The following HSDL2 variants were observed in gnomAD, a reference collection of about 807,000 sequenced individuals.
The protein encoded by HSDL2 is hydroxysteroid dehydrogenase-like protein 2.
HSDL2 carries 27 observed loss-of-function variants against 46.3 expected under a neutral mutation model. The ratio of observed to expected loss-of-function variants is 0.58; its 90% CI spans 0.43 to 0.80. The LOEUF is 0.80. Ranked by LOEUF, HSDL2 falls within the 30% of genes least tolerant of loss-of-function variation. HSDL2 has a pLI of 0.00. For synonymous variants in HSDL2, 153 were observed against 163.6 expected (o/e 0.94, Z 0.50); for missense variants, 451 against 502.7 (o/e 0.90, Z 0.98).
intron 1 of HSDL2, among the ~76,000 whole-genome samples, chr9:112,402,203 T>C (rs1446360633): frequency 6.6e-6 from 1 of 152,204 alleles, no homozygotes; most frequent in East Asian, 1.9e-4. Flanking sequence ...GTTATCTTTA[T>C]TTTATTCTTT....
In HSDL2 at chr9:112,380,112, C is replaced by T; in HGVS notation, c.-52C>T. The T allele has an allele frequency of 6.6e-7, 1 of 1,510,944 alleles. No individual in the cohort carries two copies. The highest frequency in any genetic ancestry group is 9.0e-7 in the Non-Finnish European group (1 of 1,110,378). 93.6% of individuals were successfully genotyped at this position (1,510,944 alleles called of 1,614,324 possible). On this transcript the variant is annotated 5_prime_UTR_variant, in exon 1 of 11. Coordinates refer to ENST00000398805, the MANE Select transcript of HSDL2 (RefSeq NM_032303.5). ...GCGGAGGGACGGTCCAGCTTTAGCTCTCTGCTCGCCGCCGCCGCTGTCGCC... is the reference window on the plus strand; with the variant it reads ...GCGGAGGGACGGTCCAGCTTTAGCTTTCTGCTCGCCGCCGCCGCTGTCGCC...
At chr9:112,463,664 G>A (rs6477936) in intron 10 of HSDL2, among the ~76,000 whole-genome samples, 146,272 of 152,164 alleles carry the variant, frequency 0.96, 70,352 homozygotes, top group African/African-American at 0.99. Flanking sequence ...ATGTTTATTT[G>A]TGTATTTATT....
rs1242383949 is a variant in HSDL2 at position 112,403,102 on chromosome 9, C to T, written c.18-893C>T. 2.6e-5 allele frequency among the ~76,000 whole-genome samples: 4 copies of T among 152,318 alleles called. No homozygotes were observed. The East Asian group carries it at 7.7e-4, about 29-fold the overall frequency. ...TTAACAGCTCTTTTGAGATGTGATT[C>T]ACGTACCCCACTATGCAGTCATTTA... is the stretch of plus-strand genomic sequence containing the variant. On this transcript the variant is annotated intron_variant, in intron 1 of 10. Transcript: ENST00000398805.
intron 8 of HSDL2, among the ~76,000 whole-genome samples, chr9:112,446,569 T>G (rs1832764991): frequency 6.6e-6 from 1 of 152,160 alleles, no homozygotes; most frequent in Non-Finnish European, 1.5e-5. Flanking sequence ...AGTTCAAGCT[T>G]GCAGCAAGCT....
chr9:112,453,147 C>A (rs1348886476), intron 8 of HSDL2, among the ~76,000 whole-genome samples: 1 of 152,068 alleles, frequency 6.6e-6, no homozygotes, highest in Non-Finnish European at 1.5e-5. Context: ...CAGGGTCAAT[C>A]CATGGGTGAA....
chr9:112,396,707 G>C (rs1193261819), intron 1 of HSDL2, among the ~76,000 whole-genome samples: 1 of 152,006 alleles, frequency 6.6e-6, no homozygotes, highest in African/African-American at 2.4e-5. Context: ...AGAACCTTGA[G>C]GTAAAGGCCC....
rs1347663088 is a variant in HSDL2 at position 112,470,541 on chromosome 9, G to A, written c.1254G>A (p.Leu418=). ...TAATGAATCAGATGAATGCCAGACT[G>A]TGAAGGAAAATATAAAAAAAAAGTC... The part of the protein sequence containing the change: ...EKLMNQMNAR[L] The change falls in exon 11 of 11, where the codon CTG becomes CTA. Residue 418 remains leucine, a synonymous_variant. Coordinates refer to ENST00000398805, the MANE Select transcript of HSDL2 (RefSeq NM_032303.5). 1 of 1,556,192 alleles carries A rather than the reference G, an allele frequency of 6.4e-7. No individual in the cohort carries two copies. The highest frequency in any genetic ancestry group is 1.2e-5 in the South Asian group (1 of 85,122).
intron 7 of HSDL2, among the ~76,000 whole-genome samples, chr9:112,439,877 T>C (rs186755478): frequency 2.0e-5 from 3 of 152,390 alleles, no homozygotes; most frequent in Admixed American, 2.0e-4. Flanking sequence ...TTTGTCTGTC[T>C]CAGCCTCAAT....
rs182338116 is a variant in HSDL2, at chr9:112,429,867, C to T, written c.599-8564C>T. Among the ~76,000 whole-genome samples the T allele has an allele frequency of 5.3e-5, 8 of 152,082 alleles. No individual in the cohort carries two copies. The East Asian group carries it at 5.8e-4, about 11-fold the overall frequency. On this transcript the variant is annotated intron_variant, in intron 6 of 10. Coordinates refer to ENST00000398805, the MANE Select transcript of HSDL2 (RefSeq NM_032303.5). ...AACACTTTGGGAGGTCAAAGCAGGC[C>T]GATCGCTGGAGCCCAGGAGTTCGAG...
At chr9:112,408,882 A>G in intron 3 of HSDL2, 25 bp from the exon 4 acceptor site, 1 of 1,263,322 alleles carries the variant, frequency 7.9e-7, no homozygotes, top group Non-Finnish European at 1.1e-6. Flanking sequence ...TTTCATTAAA[A>G]TGAAATTGAT....
rs924371118 is a variant in HSDL2, at chr9:112,438,402, G to C, written c.599-29G>C. 9 of 1,440,266 alleles carry C rather than the reference G, an allele frequency of 6.2e-6. No individual in the cohort carries two copies. In the Admixed American group the frequency reaches 9.6e-5, roughly 15 times the overall value. The allele number at this position is 1,440,266 out of a possible 1,614,324, so 89.2% of individuals were successfully genotyped here. A position where few individuals can be genotyped will look rare whatever the true frequency, so the allele number is the denominator to read the frequency against. On this transcript the variant is annotated intron_variant, in intron 6 of 10. Coordinates refer to ENST00000398805, the MANE Select transcript of HSDL2 (RefSeq NM_032303.5). Reference sequence around the variant, plus strand: ...TTTATTATTTGATTTGGAGTTATGAGTGTATGTGTGTGTGTGTTTTCTCTA... The same window carrying C: ...TTTATTATTTGATTTGGAGTTATGACTGTATGTGTGTGTGTGTTTTCTCTA...
At chr9:112,464,666 G>T (rs1788417138) in intron 10 of HSDL2, among the ~76,000 whole-genome samples, 1 of 152,144 alleles carries the variant, frequency 6.6e-6, no homozygotes, top group South Asian at 2.1e-4. Flanking sequence ...ATTTCTAGTT[G>T]TATGTCAATA....
chr9:112,436,960 C>A (rs375760312), intron 6 of HSDL2, among the ~76,000 whole-genome samples: 1 of 126,782 alleles, frequency 7.9e-6, no homozygotes, highest in African/African-American at 3.0e-5. Flanking sequence ...TTCTTTTTTT[C>A]TTTTTTTTTT....
rs186706910 is a variant in HSDL2 at position 112,403,549 on chromosome 9, G to A, written c.18-446G>A. Among the ~76,000 whole-genome samples the A allele has an allele frequency of 5.3e-5, 8 of 151,902 alleles. No individual in the cohort carries two copies. The East Asian group carries it at 1.4e-3, about 26-fold the overall frequency. On this transcript the variant is annotated intron_variant, in intron 1 of 10. Transcript: ENST00000398805. ...TCATTGAACAATTATTTGCTTTTAG[G>A]TAATTTATTTTAAGTGGTATGTAGT...
At chr9:112,414,596 A>AG (rs5900002) in intron 4 of HSDL2, among the ~76,000 whole-genome samples, 63,251 of 152,014 alleles carry the variant, frequency 0.42, 13,276 homozygotes, top group Middle Eastern at 0.51. Context: ...CATAGATCAA[A>AG]GGAAAGCCCA....
rs913123574 is a variant in HSDL2 at position 112,453,280 on chromosome 9, CTTTCTGA to C, written c.866-730_866-724del. 7.9e-5 allele frequency among the ~76,000 whole-genome samples: 12 copies of C among 152,344 alleles called. No individual in the cohort carries two copies. The East Asian group carries it at 1.5e-3, about 20-fold the overall frequency. ...CCACAGCTGATATTTTGATTTCCATCTTTCTGATTCCAATGTCTTTTTGTTCTCATTT... is the reference window on the plus strand; with the variant it reads ...CCACAGCTGATATTTTGATTTCCATCTTCCAATGTCTTTTTGTTCTCATTT... On this transcript the variant is annotated intron_variant, in intron 8 of 10. Transcript: ENST00000398805.
intron 6 of HSDL2, among the ~76,000 whole-genome samples, chr9:112,431,460 T>C (rs371484624): frequency 6.6e-6 from 1 of 151,676 alleles, no homozygotes; most frequent in African/African-American, 2.4e-5. Flanking sequence ...AAAGAGGAGA[T>C]GAAAGCCGAC....
chr9:112,393,845 A>T (rs763435828), intron 1 of HSDL2, among the ~76,000 whole-genome samples: 10 of 152,230 alleles, frequency 6.6e-5, no homozygotes, highest in Non-Finnish European at 1.5e-4. Context: ...TTGATTGTTC[A>T]TCCAAATTTT....
At chr9:112,414,604 C>T (rs78826484) in intron 4 of HSDL2, among the ~76,000 whole-genome samples, 4,606 of 152,186 alleles carry the variant, frequency 0.03, 244 homozygotes, top group African/African-American at 0.11. Context: ...AAAGGAAAGC[C>T]CATGTTTAGA....
Sources: allele counts gnomAD v4.1 joint callset (sites outside exome capture counted in the v4.1 genomes callset), GRCh38; gene constraint gnomAD v4.1.1; transcripts MANE v1.5; gene names NCBI Gene and HGNC (gene_info 2026-07-23, HGNC 2026-07-21).